Variants in FBLN7 observed in about 807,000 individuals in gnomAD.
FBLN7 encodes fibulin 7.
A neutral mutation model predicts 44.0 loss-of-function variants in FBLN7; 31 were observed. The ratio of observed to expected loss-of-function variants is 0.70; its 90% CI spans 0.53 to 0.95. The LOEUF (loss-of-function observed/expected upper bound fraction) is 0.95. Ranked by LOEUF, FBLN7 falls within the 40% of genes least tolerant of loss-of-function variation. The pLI is 0.00. For synonymous variants in FBLN7, 262 were observed against 253.4 expected (o/e 1.03, Z -0.32); for missense variants, 573 against 618.5 (o/e 0.93, Z 0.78).
intron 1 of FBLN7, among the ~76,000 whole-genome samples, chr2:112,142,303 G>A (rs1680686421): frequency 6.6e-6 from 1 of 152,158 alleles, no homozygotes; most frequent in African/African-American, 2.4e-5. Context: ...CTCTGCCCCT[G>A]TATTTCCTGT....
downstream of FBLN7, among the ~76,000 whole-genome samples, chr2:112,192,629 A>G (rs977131182): frequency 1.3e-5 from 2 of 152,252 alleles, no homozygotes; most frequent in Admixed American, 1.3e-4. Flanking sequence ...ATACCACTGC[A>G]GAGTCACAGT....
rs1453369515 is a variant in FBLN7 at position 112,138,422 on chromosome 2, ACT to A, written c.-233_-232del. The A allele has an allele frequency of 1.3e-5, 3 of 231,580 alleles. No homozygotes were observed. Among genetic ancestry groups the A allele is most frequent in the Non-Finnish European group, 2.4e-5 (3 of 125,252 alleles). The allele number at this position is 231,580 out of a possible 1,614,324, so 14.3% of individuals were successfully genotyped here. A position where few individuals can be genotyped will look rare whatever the true frequency, so the allele number is the denominator to read the frequency against. On this transcript the variant is annotated 5_prime_UTR_variant, in exon 1 of 8. Transcript: ENST00000331203. ...GCCGGCGCCTCCCCGCCTCGCGCGG[ACT>A]GTCTCGTGCGGGCAGCTGCGGGCGC...
chr2:112,219,889 G>C, the FBLN7 span, among the ~76,000 whole-genome samples: 2 of 152,146 alleles, frequency 1.3e-5, no homozygotes, highest in Non-Finnish European at 2.9e-5. Context: ...CTATTATTGT[G>C]TGGTTATTTA....
At chr2:112,179,438 T>C (rs965735650) in intron 4 of FBLN7, among the ~76,000 whole-genome samples, 1 of 152,192 alleles carries the variant, frequency 6.6e-6, no homozygotes, top group Non-Finnish European at 1.5e-5. Flanking sequence ...ACAGATTCAA[T>C]GCTATTCCTA....
At chr2:112,221,110 C>G in the FBLN7 span, among the ~76,000 whole-genome samples, 1 of 152,168 alleles carries the variant, frequency 6.6e-6, no homozygotes, top group Admixed American at 6.6e-5. Flanking sequence ...TAGATTTGGT[C>G]TCTTTACATA....
At chr2:112,156,359 T>C (rs1306299911) in intron 1 of FBLN7, among the ~76,000 whole-genome samples, 6 of 152,184 alleles carry the variant, frequency 3.9e-5, no homozygotes, top group Admixed American at 3.9e-4. Flanking sequence ...ACTTTCAGCC[T>C]CCATATCTTT....
At chr2:112,216,129 C>T in the FBLN7 span, 1 of 152,184 alleles carries the variant, frequency 6.6e-6, no homozygotes. Context: ...CTTTACTCAC[C>T]CTCACTCAGC....
the FBLN7 span, among the ~76,000 whole-genome samples, chr2:112,209,453 T>C: frequency 1.3e-5 from 2 of 152,206 alleles, no homozygotes; most frequent in Non-Finnish European, 2.9e-5. Context: ...ATCTACCTCA[T>C]AGGCTTACTT....
At chr2:112,197,896 T>C in the FBLN7 span, among the ~76,000 whole-genome samples, 225 of 152,278 alleles carry the variant, frequency 1.5e-3, no homozygotes, top group Admixed American at 2.8e-3. Flanking sequence ...CATGGACTAA[T>C]TTTATAACTA....
the FBLN7 span, among the ~76,000 whole-genome samples, chr2:112,241,836 A>C: frequency 6.6e-6 from 1 of 152,248 alleles, no homozygotes; most frequent in Non-Finnish European, 1.5e-5. Flanking sequence ...TAATATTTTG[A>C]TAAACTGTAT....
Position 112,138,604 on chromosome 2 carries a change from AGCGGAG to A in FBLN7, c.-49_-44del. 2 of 1,560,156 alleles carry A rather than the reference AGCGGAG, an allele frequency of 1.3e-6. No individual in the cohort carries two copies. Among genetic ancestry groups the A allele is most frequent in the South Asian group, 2.2e-5 (2 of 90,434 alleles). On this transcript the variant is annotated 5_prime_UTR_variant, in exon 1 of 8. Transcript: ENST00000331203. ...GCCGCATCGCTGGGACAAACTCGGC[AGCGGAG>A]GCAAAGTTATTTCCCCTCCCAGGCA...
the FBLN7 span, chr2:112,238,384 T>C: frequency 6.2e-7 from 1 of 1,613,790 alleles, no homozygotes; most frequent in Non-Finnish European, 8.5e-7. Flanking sequence ...GCCATTTCTC[T>C]GGCTTGTATG....
intron 1 of FBLN7, among the ~76,000 whole-genome samples, chr2:112,141,689 C>T (rs1002437224): frequency 1.3e-5 from 2 of 152,182 alleles, no homozygotes; most frequent in African/African-American, 4.8e-5. Context: ...ATCCCTAAGG[C>T]GGCTCCCCAG....
chr2:112,149,548 C>T (rs1681047064), intron 1 of FBLN7, among the ~76,000 whole-genome samples: 1 of 152,122 alleles, frequency 6.6e-6, no homozygotes, highest in Non-Finnish European at 1.5e-5. Context: ...TTGGGCACAG[C>T]TGTTGACAAA....
the FBLN7 span, among the ~76,000 whole-genome samples, chr2:112,217,312 G>C: frequency 6.6e-6 from 1 of 152,150 alleles, no homozygotes; most frequent in South Asian, 2.1e-4. Context: ...CAGAGAGGTT[G>C]CAGTGAGCAA....
chr2:112,203,779 C>T, the FBLN7 span, among the ~76,000 whole-genome samples: 1 of 152,132 alleles, frequency 6.6e-6, no homozygotes. Context: ...AGGCAAAAGG[C>T]ACTTCTTACA....
chr2:112,154,424 G>A (rs1352157568), intron 1 of FBLN7, among the ~76,000 whole-genome samples: 3 of 152,142 alleles, frequency 2.0e-5, no homozygotes, highest in Non-Finnish European at 2.9e-5. Context: ...TCGAGGGGAC[G>A]GCCTCTGGAA....
chr2:112,239,561 G>A, the FBLN7 span, among the ~76,000 whole-genome samples: 1 of 147,848 alleles, frequency 6.8e-6, no homozygotes, highest in South Asian at 2.1e-4. Flanking sequence ...ATATTAGGTG[G>A]CCCAATTTAA....
chr2:112,185,868 C>CT lies in FBLN7; in HGVS notation c.947+545dup, dbSNP rs200206678. On this transcript the variant is annotated intron_variant, in intron 7 of 7. Coordinates refer to ENST00000331203, the MANE Select transcript of FBLN7 (RefSeq NM_153214.3). ...TGCAACTCTTAAACAGCAAGTAGAG[C>CT]TTTTTTTTTTTTTTTTAAAGTTGGG... 7.7e-3 allele frequency among the ~76,000 whole-genome samples: 1,078 copies of CT among 139,884 alleles called. 2 individuals carry two copies. The highest frequency in any genetic ancestry group is 0.011 in the African/African-American group (419 of 38,024). The allele number at this position is 139,884 out of a possible 152,430, so 91.8% of individuals were successfully genotyped here.
Sources: allele counts gnomAD v4.1 joint callset (sites outside exome capture counted in the v4.1 genomes callset), GRCh38; gene constraint gnomAD v4.1.1; transcripts MANE v1.5; gene names NCBI Gene and HGNC (gene_info 2026-07-23, HGNC 2026-07-21).